GNB1L: variants seen among roughly 807,000 people sequenced by gnomAD.
GNB1L encodes G protein subunit beta 1 like.
GNB1L carries 20 observed loss-of-function variants against 29.1 expected under a neutral mutation model. That is an observed-to-expected ratio of 0.69 (90% CI 0.48 to 1.00). The LOEUF is 1.00. GNB1L is among the 50% of genes least tolerant of loss of function. The pLI, the probability that GNB1L is intolerant of heterozygous loss-of-function variation, is 0.00. For synonymous variants in GNB1L, 193 were observed against 206.5 expected, an observed-to-expected ratio of 0.93 and a Z score of 0.56; for missense variants, 421 against 464.9, an observed-to-expected ratio of 0.91 and a Z score of 0.87.
Position 19,820,625 on chromosome 22 carries a change from G to A in GNB1L, c.227C>T (p.Thr76Met), listed in dbSNP as rs765685532. The change falls in exon 4 of 8, where the codon ACG becomes ATG. Residue 76 changes from threonine (T) to methionine (M), a missense_variant. By Grantham distance (81) the Thr-to-Met change is moderately conservative. Transcript: ENST00000329517. ...GAGGAGCTGGCGCCCCTGGGGCAGC[G>A]TCTGCAGCCAGGTCACACACTGGCC... ...HGGQCVTWLQ[T>M]LPQGRQLLSQ... 70 of 1,613,036 alleles carry A rather than the reference G, an allele frequency of 4.3e-5. 1 individual carries two copies. The highest frequency in any genetic ancestry group is 3.4e-4 in the Middle Eastern group (2 of 5,896).
intron 2 of GNB1L, among the ~76,000 whole-genome samples, chr22:19,832,987 A>C (rs1278549804): frequency 1.3e-5 from 2 of 152,102 alleles, no homozygotes; most frequent in Non-Finnish European, 2.9e-5. Flanking sequence ...TGAGATTAAA[A>C]CCACAGCCCA....
At chr22:19,789,517 A>T (rs926252101) in intron 7 of GNB1L, among the ~76,000 whole-genome samples, 2 of 149,382 alleles carry the variant, frequency 1.3e-5, no homozygotes, top group East Asian at 4.1e-4. Context: ...TGAGGGGGGG[A>T]CAAGGGGGAG....
chr22:19,797,688 T>C (rs1341593595), intron 7 of GNB1L, among the ~76,000 whole-genome samples: 2 of 152,152 alleles, frequency 1.3e-5, no homozygotes, highest in Non-Finnish European at 2.9e-5. Context: ...GGTAGGCGCC[T>C]TGCCATGCCC....
chr22:19,795,565 T>G (rs73379921), intron 7 of GNB1L, among the ~76,000 whole-genome samples: 3,388 of 152,234 alleles, frequency 0.022, 114 homozygotes, highest in African/African-American at 0.076. Context: ...GTGCATTCAC[T>G]GACAACAGAA....
chr22:19,851,432 G>A (rs762470768), intron 2 of GNB1L: 1 of 1,614,068 alleles, frequency 6.2e-7, no homozygotes. Flanking sequence ...GGAGCTACAT[G>A]TAGAACTGGG....
In GNB1L at chr22:19,840,805, G is replaced by A. The variant is rs538287193; in HGVS notation, c.-21+13638C>T. 8.0e-5 allele frequency among the ~76,000 whole-genome samples: 12 copies of A among 149,882 alleles called. No homozygotes were observed. In the East Asian group the frequency reaches 1.6e-3, roughly 19 times the overall value. On this transcript the variant is annotated intron_variant, in intron 2 of 7. Coordinates refer to ENST00000329517, the MANE Select transcript of GNB1L (RefSeq NM_053004.3). ...AGCCTAGGCGAAGAAGCGAAACTCC[G>A]TCTCAAAAAAAAAAAAAGAAAGAAA... is the stretch of plus-strand genomic sequence containing the variant.
In GNB1L at chr22:19,786,428, G is replaced by A. The variant is rs1937192071; in HGVS notation, c.*2281C>T. On this transcript the variant is annotated 3_prime_UTR_variant, in exon 8 of 8. Transcript: ENST00000329517. Reference sequence around the variant, plus strand: ...TACACCCTGCCCACAGCTCTTCATGGCCTCTATGTAAGACATCAGCAGGCA... The same window carrying A: ...TACACCCTGCCCACAGCTCTTCATGACCTCTATGTAAGACATCAGCAGGCA... 6.6e-6 allele frequency: 1 copy of A among 152,180 alleles called. No homozygotes were observed. Among genetic ancestry groups the A allele is most frequent in the African/African-American group, 2.4e-5 (1 of 41,442 alleles). The allele number at this position is 152,180 out of a possible 1,614,324, so 9.4% of individuals were successfully genotyped here.
chr22:19,840,929 C>T (rs1260567575), intron 2 of GNB1L, among the ~76,000 whole-genome samples: 1 of 152,200 alleles, frequency 6.6e-6, no homozygotes, highest in Non-Finnish European at 1.5e-5. Flanking sequence ...CAACAAATCC[C>T]GGTGGAGGAA....
chr22:19,787,679 G>A lies in GNB1L; in HGVS notation c.*1030C>T, dbSNP rs1318322403. The A allele has an allele frequency of 6.6e-6, 1 of 152,326 alleles. No individual in the cohort carries two copies. The highest frequency in any genetic ancestry group is 1.5e-5 in the Non-Finnish European group (1 of 68,102). The allele number at this position is 152,326 out of a possible 1,614,324, so 9.4% of individuals were successfully genotyped here. On this transcript the variant is annotated 3_prime_UTR_variant, in exon 8 of 8. Coordinates refer to ENST00000329517, the MANE Select transcript of GNB1L (RefSeq NM_053004.3). The stretch of plus-strand genomic sequence containing the variant: ...AGGCCACCCCGGGCCTTCAGCTAGA[G>A]GGGCTCTTCCGGCAATCCGGGCAGA...
Position 19,814,257 on chromosome 22 carries a change from G to C in GNB1L, c.255-1810C>G, listed in dbSNP as rs796304960. 1.1e-4 allele frequency among the ~76,000 whole-genome samples: 17 copies of C among 152,254 alleles called. No homozygotes were observed. In the South Asian group the frequency reaches 3.3e-3, roughly 30 times the overall value. Reference sequence around the variant, plus strand: ...AACGAGAATACCCCAGTAATAACAGGTGCAGGCAGAGTCCACAGATGGATG... The same window carrying C: ...AACGAGAATACCCCAGTAATAACAGCTGCAGGCAGAGTCCACAGATGGATG... On this transcript the variant is annotated intron_variant, in intron 4 of 7. Coordinates refer to ENST00000329517, the MANE Select transcript of GNB1L (RefSeq NM_053004.3).
At chr22:19,800,389 G>A (rs1392927857) in intron 7 of GNB1L, among the ~76,000 whole-genome samples, 5 of 152,204 alleles carry the variant, frequency 3.3e-5, no homozygotes, top group Non-Finnish European at 2.9e-5. Flanking sequence ...TGTCAGGCTG[G>A]TGAAGGACAA....
chr22:19,828,455 G>A (rs991868507), intron 2 of GNB1L, among the ~76,000 whole-genome samples: 1 of 152,244 alleles, frequency 6.6e-6, no homozygotes, highest in East Asian at 1.9e-4. Context: ...AGGAGTTTGA[G>A]ACCAGCCTGA....
chr22:19,803,371 C>T (rs1271569923), intron 6 of GNB1L, among the ~76,000 whole-genome samples: 16 of 152,150 alleles, frequency 1.1e-4, no homozygotes, highest in Admixed American at 1.0e-3. Context: ...GTGTCTTCTC[C>T]CGGGGCACCT....
intron 2 of GNB1L, chr22:19,846,437 A>C: frequency 1.0e-6 from 1 of 984,994 alleles, no homozygotes; most frequent in South Asian, 4.7e-5. Context: ...GGCCATCCCC[A>C]CTCCTCAGTA....
chr22:19,792,642 T>C (rs908048450), intron 7 of GNB1L: 202 of 1,573,632 alleles, frequency 1.3e-4, no homozygotes, highest in Admixed American at 5.1e-4. Context: ...ACTGTTGGCC[T>C]GGGCTGAGAA....
intron 2 of GNB1L, among the ~76,000 whole-genome samples, chr22:19,840,215 G>A (rs1937835911): frequency 1.4e-5 from 2 of 143,124 alleles, no homozygotes; most frequent in Non-Finnish European, 3.1e-5. Context: ...GGGAGCTAGT[G>A]TCGTAATAAA....
intron 7 of GNB1L, among the ~76,000 whole-genome samples, chr22:19,791,068 A>C (rs1025089791): frequency 1.3e-5 from 2 of 151,842 alleles, no homozygotes; most frequent in African/African-American, 2.4e-5. Flanking sequence ...CTGTCTTTAC[A>C]AAAAAAATTT....
rs5993830 is a variant in GNB1L, at chr22:19,785,785, T to C, written c.*2924A>G. The C allele has an allele frequency of 0.43, 65,875 of 152,216 alleles. 15,194 individuals are homozygous for C. The highest frequency in any genetic ancestry group is 0.58 in the East Asian group (2,980 of 5,160). The allele number at this position is 152,216 out of a possible 1,614,324, so 9.4% of individuals were successfully genotyped here. On this transcript the variant is annotated 3_prime_UTR_variant, in exon 8 of 8. Coordinates refer to ENST00000329517, the MANE Select transcript of GNB1L (RefSeq NM_053004.3). This position sits in a 1 kb window ranked among gnomAD's most constrained non-coding sequence, Gnocchi z 4.1. Reference sequence around the variant, plus strand: ...AAGTGGCTGTTTGCTAGGAAGAGAATGCCAATGTTCAGGTGCATCTTTTCC... The same window carrying C: ...AAGTGGCTGTTTGCTAGGAAGAGAACGCCAATGTTCAGGTGCATCTTTTCC...
chr22:19,843,381 A>G (rs1446712516), intron 2 of GNB1L, among the ~76,000 whole-genome samples: 1 of 152,254 alleles, frequency 6.6e-6, no homozygotes, highest in Non-Finnish European at 1.5e-5. Context: ...TGCAGATCCC[A>G]GGAAGAATTC....
Sources: gnomAD v4.1 joint callset for allele counts (sites outside exome capture counted in the v4.1 genomes callset) on GRCh38, gnomAD v4.1.1 for gene constraint, Gnocchi (gnomAD v3.1) non-coding constraint, MANE v1.5 for transcripts, NCBI Gene and HGNC (gene_info 2026-07-23, HGNC 2026-07-21) for gene names.